MREG: variants seen among roughly 807,000 people sequenced by gnomAD.
MREG encodes melanoregulin, also known as dilute suppressor protein homolog.
A neutral mutation model predicts 28.5 loss-of-function variants in MREG; 31 were observed. The observed-to-expected ratio is 1.09, with a 90% CI of 0.82 to 1.47. The LOEUF is 1.47. Among genes scored for constraint, MREG ranks in the 40% most tolerant of loss-of-function variants. The pLI is 0.00. For missense variants in MREG, 256 were observed against 257.4 expected, an observed-to-expected ratio of 0.99 and a Z score of 0.04; for synonymous variants, 106 against 95.2, an observed-to-expected ratio of 1.11 and a Z score of -0.66.
intron 1 of MREG, among the ~76,000 whole-genome samples, chr2:216,022,144 GGGAGGCTGAGACA>G (rs1195699960): frequency 2.0e-5 from 3 of 152,118 alleles, no homozygotes; most frequent in Admixed American, 2.0e-4. Context: ...CCAACTACTT[GGGAGGCTGAGACA>G]GGAGAATCAC....
chr2:216,026,798 G>C (rs1449495341), intron 1 of MREG, among the ~76,000 whole-genome samples: 1 of 152,112 alleles, frequency 6.6e-6, no homozygotes, highest in Non-Finnish European at 1.5e-5. Flanking sequence ...ATGCTCTACT[G>C]TAAGAACCTT....
Position 216,013,390 on chromosome 2 carries a change from A to T in MREG, c.-63T>A. Reference sequence around the variant, plus strand: ...GCCGAGTCGCCGCGGCGAGCGATCGAGGCTGGGGCGCGGCCACCGCGCCAG... The same window carrying T: ...GCCGAGTCGCCGCGGCGAGCGATCGTGGCTGGGGCGCGGCCACCGCGCCAG... On this transcript the variant is annotated 5_prime_UTR_variant, in exon 1 of 5. Coordinates refer to ENST00000263268, the MANE Select transcript of MREG (RefSeq NM_018000.3). The T allele has an allele frequency of 8.1e-7, 1 of 1,232,370 alleles. No individual in the cohort carries two copies. The highest frequency in any genetic ancestry group is 1.1e-6 in the Non-Finnish European group (1 of 950,724). The allele number at this position is 1,232,370 out of a possible 1,614,324, so 76.3% of individuals were successfully genotyped here.
intron 4 of MREG, among the ~76,000 whole-genome samples, 185 bp downstream of exon 4, chr2:215,945,386 C>T (rs1692292349): frequency 6.6e-6 from 1 of 152,206 alleles, no homozygotes; most frequent in Non-Finnish European, 1.5e-5. Flanking sequence ...GAAATCTGAA[C>T]TTTTAAAACT....
chr2:215,948,563 TC>T (rs1297670269), intron 2 of MREG, among the ~76,000 whole-genome samples: 1 of 152,190 alleles, frequency 6.6e-6, no homozygotes, highest in Non-Finnish European at 1.5e-5. Flanking sequence ...ACCTATCTAA[TC>T]CCTCACAGAC....
chr2:215,958,953 A>C (rs928340225), intron 2 of MREG, among the ~76,000 whole-genome samples: 4 of 152,138 alleles, frequency 2.6e-5, no homozygotes, highest in African/African-American at 9.7e-5. Context: ...TAGTATCCCT[A>C]TTCTGGGGAG....
chr2:216,012,374 C>T (rs1694337159), intron 1 of MREG, among the ~76,000 whole-genome samples: 1 of 152,102 alleles, frequency 6.6e-6, no homozygotes, highest in Non-Finnish European at 1.5e-5. Context: ...GTAAATCATT[C>T]CTTAGAAAAA....
intron 2 of MREG, among the ~76,000 whole-genome samples, chr2:215,953,011 A>G (rs1269118488): frequency 6.6e-6 from 1 of 151,976 alleles, no homozygotes; most frequent in Non-Finnish European, 1.5e-5. Context: ...ATTGCAAGGG[A>G]GGCTGGAAAA....
At position 215,984,518 on chromosome 2, in the gene MREG, C is replaced by CAAAA. The variant is rs375220091; in HGVS notation, c.255+11784_255+11787dup. Among the ~76,000 whole-genome samples the CAAAA allele has an allele frequency of 1.5e-3, 99 of 68,036 alleles. 3 individuals carry two copies. Among genetic ancestry groups the CAAAA allele is most frequent in the African/African-American group, 6.1e-3 (88 of 14,528 alleles). 44.6% of individuals were successfully genotyped at this position (68,036 alleles called of 152,430 possible). ...GGGCAACAGAATAAGACCTTGTCAC[C>CAAAA]AAAAAAAAAAAAAAAAAAAAAAAAA... On this transcript the variant is annotated intron_variant, in intron 2 of 4. Coordinates refer to ENST00000263268, the MANE Select transcript of MREG (RefSeq NM_018000.3).
At chr2:216,010,826 T>C (rs1694285144) in intron 1 of MREG, among the ~76,000 whole-genome samples, 2 of 151,348 alleles carry the variant, frequency 1.3e-5, no homozygotes, top group African/African-American at 2.4e-5. Context: ...CCAGGCGCAG[T>C]GGCTCACGCC....
chr2:215,990,374 C>T (rs184013867), intron 2 of MREG, among the ~76,000 whole-genome samples: 290 of 152,292 alleles, frequency 1.9e-3, no homozygotes, highest in African/African-American at 6.4e-3. Context: ...CCAGGCCTGC[C>T]TTACAAGAGC....
chr2:216,006,371 G>A (rs1418975668), intron 1 of MREG, among the ~76,000 whole-genome samples: 1 of 152,170 alleles, frequency 6.6e-6, no homozygotes, highest in Non-Finnish European at 1.5e-5. Context: ...TGCACCTCTG[G>A]CCCTCCCCTA....
At position 215,948,607 on chromosome 2, in the gene MREG, T is replaced by C. The variant is rs151019091; in HGVS notation, c.256-1494A>G. 1.1e-3 allele frequency among the ~76,000 whole-genome samples: 175 copies of C among 152,334 alleles called. 1 individual carries two copies. Among genetic ancestry groups the C allele is most frequent in the African/African-American group, 3.9e-3 (162 of 41,580 alleles). On this transcript the variant is annotated intron_variant, in intron 2 of 4. Transcript: ENST00000263268. ...GTTGTAAGGGAAAAAACTCAAGTAC[T>C]GCTGTCTTCATTGGAAGGGCCTTAT...
intron 2 of MREG, among the ~76,000 whole-genome samples, chr2:215,979,483 A>C (rs1037993759): frequency 6.9e-6 from 1 of 145,190 alleles, no homozygotes; most frequent in Non-Finnish European, 1.5e-5. Flanking sequence ...TAATAATAAT[A>C]ATAATAATAA....
chr2:215,984,573 T>G (rs1307159855), intron 2 of MREG, among the ~76,000 whole-genome samples: 8 of 140,614 alleles, frequency 5.7e-5, no homozygotes, highest in African/African-American at 2.2e-4. Flanking sequence ...AGTCAAAATG[T>G]GAAAGCTATG....
At chr2:215,973,948 T>C (rs750983988) in intron 2 of MREG, among the ~76,000 whole-genome samples, 5 of 152,168 alleles carry the variant, frequency 3.3e-5, no homozygotes, top group Non-Finnish European at 5.9e-5. Context: ...GCAAAACATG[T>C]TTTTTATGGA....
chr2:216,020,585 G>A (rs921120906), intron 1 of MREG, among the ~76,000 whole-genome samples: 1 of 152,250 alleles, frequency 6.6e-6, no homozygotes, highest in Non-Finnish European at 1.5e-5. Context: ...GTGAAGAGGA[G>A]CTGAGGAGAC....
At chr2:216,030,414 T>C (rs1026209892) in intron 1 of MREG, among the ~76,000 whole-genome samples, 1 of 152,162 alleles carries the variant, frequency 6.6e-6, no homozygotes, top group Non-Finnish European at 1.5e-5. Flanking sequence ...AACTGTAAAA[T>C]GCTGGTAATA....
upstream of MREG, among the ~76,000 whole-genome samples, chr2:216,017,878 C>T (rs1313917385): frequency 3.9e-5 from 6 of 151,932 alleles, no homozygotes; most frequent in African/African-American, 1.2e-4. Flanking sequence ...CGCCCAGGCA[C>T]GGTGGCTCAT....
At chr2:215,972,303 C>T (rs1693120259) in intron 2 of MREG, among the ~76,000 whole-genome samples, 1 of 152,088 alleles carries the variant, frequency 6.6e-6, no homozygotes, top group Non-Finnish European at 1.5e-5. Flanking sequence ...CTCTCCTCTC[C>T]ATAAAAAATT....
Sources: allele counts gnomAD v4.1 joint callset (sites outside exome capture counted in the v4.1 genomes callset), GRCh38; gene constraint gnomAD v4.1.1; transcripts MANE v1.5; gene names NCBI Gene and HGNC (gene_info 2026-07-23, HGNC 2026-07-21).